Variants in CYLD observed in about 807,000 individuals in gnomAD.
CYLD encodes the protein ubiquitin carboxyl-terminal hydrolase CYLD.
A neutral mutation model predicts 104.5 loss-of-function variants in CYLD; 26 were observed. The observed-to-expected ratio is 0.25, with a 90% CI of 0.18 to 0.35. The LOEUF (loss-of-function observed/expected upper bound fraction) is 0.35. CYLD is among the 10% of genes least tolerant of loss of function. The pLI is 1.00. For missense variants in CYLD, 703 were observed against 1,136.1 expected, an observed-to-expected ratio of 0.62 and a Z score of 5.48; for synonymous variants, 385 against 399.9, an observed-to-expected ratio of 0.96 and a Z score of 0.45.
intron 11 of CYLD, 59 bp downstream of exon 11, chr16:50,782,525 GGTGT>G (rs533669286): frequency 4.6e-5 from 67 of 1,460,334 alleles, no homozygotes; most frequent in Non-Finnish European, 5.3e-5. Flanking sequence ...GACACATACC[GGTGT>G]GTGTGTGTGT....
chr16:50,786,992 T>C, intron 13 of CYLD, 46 bp downstream of exon 13: 1 of 1,440,622 alleles, frequency 6.9e-7, no homozygotes, highest in Non-Finnish European at 9.8e-7. Flanking sequence ...GAAGAGCATA[T>C]TCACATGTCA....
At chr16:50,766,271 A>T (rs1968506228) in intron 5 of CYLD, among the ~76,000 whole-genome samples, 1 of 152,218 alleles carries the variant, frequency 6.6e-6, no homozygotes, top group South Asian at 2.1e-4. Context: ...TGCTCTATAA[A>T]TGGAACAACA....
intron 5 of CYLD, among the ~76,000 whole-genome samples, chr16:50,758,700 G>A (rs1714041674): frequency 6.6e-6 from 1 of 152,136 alleles, no homozygotes; most frequent in Non-Finnish European, 1.5e-5. Context: ...AGAGAGAACA[G>A]AATCAAGGAT....
chr16:50,785,758 A>G (rs1325334691), intron 12 of CYLD: 1 of 152,194 alleles, frequency 6.6e-6, no homozygotes, highest in Non-Finnish European at 1.5e-5. Context: ...TGTAGCATTC[A>G]TATCTGTATA....
Position 50,798,993 on chromosome 16 carries a change from G to T in CYLD, c.*2485G>T, listed in dbSNP as rs1972272999. 4.3e-6 allele frequency: 1 copy of T among 233,302 alleles called. No individual in the cohort carries two copies. The allele number at this position is 233,302 out of a possible 1,614,324, so 14.5% of individuals were successfully genotyped here. A position where few individuals can be genotyped will look rare whatever the true frequency, so the allele number is the denominator to read the frequency against. On this transcript the variant is annotated 3_prime_UTR_variant, in exon 19 of 19. Transcript: ENST00000427738. Reference sequence around the variant, plus strand: ...ACCTGTCTGTCCTGGCTCCCTCTGGGTAGCCCCCTACTGTTCTGTGCTTCA... The same window carrying T: ...ACCTGTCTGTCCTGGCTCCCTCTGGTTAGCCCCCTACTGTTCTGTGCTTCA...
At chr16:50,789,871 T>A (rs1971257943) in intron 14 of CYLD, among the ~76,000 whole-genome samples, 2 of 152,100 alleles carry the variant, frequency 1.3e-5, no homozygotes, top group South Asian at 4.1e-4. Flanking sequence ...AGACAGAATC[T>A]CCAGAAATAG....
rs1334638050 is a variant in CYLD, at chr16:50,794,904, G to T, written c.2686+476G>T. On this transcript the variant is annotated intron_variant, in intron 18 of 18. Transcript: ENST00000427738. This position sits in a 1 kb window ranked among gnomAD's most constrained non-coding sequence, Gnocchi z 4.1. ...TCGATGTGCTGGGATTACAAGAGGA[G>T]CCAGTGCACCCAGCCTCATATTGTG... 5.0e-6 allele frequency: 1 copy of T among 201,484 alleles called. No homozygotes were observed. Among genetic ancestry groups the T allele is most frequent in the Non-Finnish European group, 1.0e-5 (1 of 97,644 alleles). The allele number at this position is 201,484 out of a possible 1,614,324, so 12.5% of individuals were successfully genotyped here. A position where few individuals can be genotyped will look rare whatever the true frequency, so the allele number is the denominator to read the frequency against.
chr16:50,754,035 A>G (rs1966829426), intron 4 of CYLD, among the ~76,000 whole-genome samples: 1 of 152,184 alleles, frequency 6.6e-6, no homozygotes, highest in Non-Finnish European at 1.5e-5. Context: ...ATTGTTCAGT[A>G]AAGTATGAAA....
At chr16:50,746,217 T>G (rs1273127162) in intron 2 of CYLD, among the ~76,000 whole-genome samples, 1 of 152,214 alleles carries the variant, frequency 6.6e-6, no homozygotes, top group Non-Finnish European at 1.5e-5. Context: ...TTTGTACTTT[T>G]TGTAGAAATG....
chr16:50,747,290 C>T (rs1025746551), intron 2 of CYLD, among the ~76,000 whole-genome samples: 8 of 152,110 alleles, frequency 5.3e-5, no homozygotes, highest in South Asian at 4.1e-4. Context: ...AGAACTGATT[C>T]GAAGCGATAA....
intron 10 of CYLD, among the ~76,000 whole-genome samples, chr16:50,781,948 A>T (rs545405189): frequency 6.6e-6 from 1 of 152,352 alleles, no homozygotes; most frequent in East Asian, 1.9e-4. Flanking sequence ...CAGGAAAGCC[A>T]TCTTTATGAA....
At chr16:50,742,875 C>T (rs1965829962) in intron 2 of CYLD, 34 bp downstream of exon 2, 1 of 283,738 alleles carries the variant, frequency 3.5e-6, no homozygotes, top group African/African-American at 3.0e-5. Flanking sequence ...TTCATGTTAA[C>T]AATCGAGGGG....
At chr16:50,743,927 T>C (rs1333774728) in intron 2 of CYLD, among the ~76,000 whole-genome samples, 1 of 152,226 alleles carries the variant, frequency 6.6e-6, no homozygotes, top group Admixed American at 6.5e-5. Flanking sequence ...CTGAGTCTTT[T>C]TCTCTTCTCT....
At position 50,781,220 on chromosome 16, in the gene CYLD, T is replaced by C. The variant is rs372749874; in HGVS notation, c.1519-26T>C. Reference sequence around the variant, plus strand: ...ACTATCTCTGTAAGGCACGGTATAATGCATATTGAAGCATTTCTTTTTCAG... The same window carrying C: ...ACTATCTCTGTAAGGCACGGTATAACGCATATTGAAGCATTTCTTTTTCAG... On this transcript the variant is annotated intron_variant, in intron 9 of 18. Coordinates refer to ENST00000427738, the MANE Select transcript of CYLD (RefSeq NM_001378743.1). 35 of 1,613,464 alleles carry C rather than the reference T, an allele frequency of 2.2e-5. No homozygotes were observed. In the Admixed American group the frequency reaches 3.0e-4, roughly 14 times the overall value.
intron 7 of CYLD, among the ~76,000 whole-genome samples, chr16:50,776,866 A>G (rs1311468147): frequency 6.6e-6 from 1 of 152,218 alleles, no homozygotes; most frequent in African/African-American, 2.4e-5. Flanking sequence ...TAGGAAAAGA[A>G]TATTTTTTCC....
At chr16:50,781,120 C>A in intron 9 of CYLD, 126 bp from the exon 10 acceptor site, 1 of 982,412 alleles carries the variant, frequency 1.0e-6, no homozygotes, top group South Asian at 1.3e-5. Context: ...ATGAGGTTCT[C>A]AGTACAGGTG....
At chr16:50,751,958 ATATATG>A in intron 4 of CYLD, 52 bp downstream of exon 4, 4 of 564,464 alleles carry the variant, frequency 7.1e-6, no homozygotes, top group African/African-American at 2.1e-5. Context: ...TAGTTTATAT[ATATATG>A]TATATATATA....
At chr16:50,780,129 A>G (rs1970075753) in intron 9 of CYLD, 85 bp downstream of exon 9, 3 of 1,483,766 alleles carry the variant, frequency 2.0e-6, no homozygotes, top group Non-Finnish European at 2.8e-6. Flanking sequence ...TTTTTGACAA[A>G]CTGTTATATT....
intron 14 of CYLD, 130 bp from the exon 15 acceptor site, chr16:50,791,428 C>T (rs1971420836): frequency 1.2e-6 from 1 of 856,096 alleles, no homozygotes; most frequent in African/African-American, 1.7e-5. Flanking sequence ...CTCTGTTGTT[C>T]TGACTATCCA....
Sources: gnomAD v4.1 joint callset for allele counts (sites outside exome capture counted in the v4.1 genomes callset) on GRCh38, gnomAD v4.1.1 for gene constraint, Gnocchi (gnomAD v3.1) non-coding constraint, MANE v1.5 for transcripts, NCBI Gene and HGNC (gene_info 2026-07-23, HGNC 2026-07-21) for gene names.